Variants in ATP2B2 observed in about 807,000 individuals in gnomAD.
ATP2B2 encodes ATPase plasma membrane Ca2+ transporting 2.
In ATP2B2, 15 loss-of-function variants were observed where a neutral mutation model predicts 120.0. The observed-to-expected ratio is 0.12, with a 90% CI of 0.08 to 0.19. The LOEUF is 0.19. Among genes scored for constraint, ATP2B2 ranks in the 10% least tolerant of loss-of-function variants. ATP2B2 has a pLI of 1.00. For synonymous variants in ATP2B2, 694 were observed against 700.3 expected, an observed-to-expected ratio of 0.99 and a Z score of 0.14; for missense variants, 1,045 against 1,719.8, an observed-to-expected ratio of 0.61 and a Z score of 6.94.
chr3:10,356,539 G>A (rs1171136333), intron 14 of ATP2B2, among the ~76,000 whole-genome samples: 1 of 152,166 alleles, frequency 6.6e-6, no homozygotes, highest in Non-Finnish European at 1.5e-5. Flanking sequence ...CTTATTGTGC[G>A]TCATGGTCAA....
At chr3:10,548,563 C>T (rs1484610992) in intron 2 of ATP2B2, among the ~76,000 whole-genome samples, 3 of 152,216 alleles carry the variant, frequency 2.0e-5, no homozygotes, top group African/African-American at 7.2e-5. Context: ...GCTCCCTTCC[C>T]TCTCAGCTGG....
chr3:10,359,030 C>A, intron 13 of ATP2B2, 105 bp from the exon 14 acceptor site: 2 of 1,083,448 alleles, frequency 1.8e-6, no homozygotes, highest in Non-Finnish European at 2.7e-6. Flanking sequence ...TGTGGCTGGT[C>A]ATCCAGTGCC....
intron 2 of ATP2B2, among the ~76,000 whole-genome samples, chr3:10,567,228 T>C (rs1034840071): frequency 2.0e-5 from 3 of 152,180 alleles, no homozygotes; most frequent in Middle Eastern, 3.2e-3. Flanking sequence ...GAATGCCCTT[T>C]TGGAATTTAG....
intron 2 of ATP2B2, among the ~76,000 whole-genome samples, chr3:10,606,654 T>C (rs960915660): frequency 6.6e-6 from 1 of 152,002 alleles, no homozygotes. Flanking sequence ...GTTTTGGAGA[T>C]GTGTATCTGT....
At chr3:10,534,692 G>C (rs1325332873) in intron 2 of ATP2B2, among the ~76,000 whole-genome samples, 2 of 152,034 alleles carry the variant, frequency 1.3e-5, no homozygotes, top group African/African-American at 4.8e-5. Context: ...AATTTCCTGA[G>C]CCTCCTTTTC....
chr3:10,595,015 C>A (rs2068732775), intron 2 of ATP2B2, among the ~76,000 whole-genome samples: 1 of 152,218 alleles, frequency 6.6e-6, no homozygotes, highest in Non-Finnish European at 1.5e-5. Context: ...CCAATGCAAT[C>A]GGAGACAGAC....
chr3:10,649,944 C>T (rs1020837878), intron 1 of ATP2B2, among the ~76,000 whole-genome samples: 17 of 152,320 alleles, frequency 1.1e-4, no homozygotes, highest in Non-Finnish European at 2.1e-4. Flanking sequence ...GTCCAATGGA[C>T]GTCTTTCTTC....
At chr3:10,449,982 C>T (rs1027891452) in intron 1 of ATP2B2, 120 bp from the exon 2 acceptor site, 6 of 304,914 alleles carry the variant, frequency 2.0e-5, no homozygotes, top group African/African-American at 4.3e-5. Flanking sequence ...TACACCCATG[C>T]CCCCTAACAC....
intron 2 of ATP2B2, among the ~76,000 whole-genome samples, chr3:10,585,818 T>C (rs2068497220): frequency 6.6e-6 from 1 of 152,154 alleles, no homozygotes; most frequent in African/African-American, 2.4e-5. Context: ...TTCCATCACA[T>C]CACACTGTTT....
At chr3:10,655,212 C>T (rs2070584870) in intron 1 of ATP2B2, among the ~76,000 whole-genome samples, 1 of 152,150 alleles carries the variant, frequency 6.6e-6, no homozygotes, top group Non-Finnish European at 1.5e-5. Flanking sequence ...TACACCAATC[C>T]CTCTGTCGCT....
chr3:10,410,503 C>T, intron 3 of ATP2B2, 115 bp downstream of exon 3: 1 of 1,347,708 alleles, frequency 7.4e-7, no homozygotes, highest in Non-Finnish European at 1.0e-6. Flanking sequence ...GCCCCTTGGA[C>T]CTCGGTTTCT....
chr3:10,423,981 G>A (rs1280705033), intron 2 of ATP2B2, among the ~76,000 whole-genome samples: 11 of 152,258 alleles, frequency 7.2e-5, no homozygotes, highest in East Asian at 3.9e-4. Flanking sequence ...GTTACCCCCC[G>A]CAGTGCATCG....
chr3:10,430,167 A>G (rs2063272084), intron 2 of ATP2B2, among the ~76,000 whole-genome samples: 1 of 152,256 alleles, frequency 6.6e-6, no homozygotes, highest in Non-Finnish European at 1.5e-5. Context: ...GCAAGGAGAT[A>G]AGTGCTGTTT....
intron 1 of ATP2B2, among the ~76,000 whole-genome samples, chr3:10,639,451 A>G (rs1382827514): frequency 2.0e-5 from 3 of 152,158 alleles, no homozygotes; most frequent in Non-Finnish European, 4.4e-5. Flanking sequence ...TTCTCACTGT[A>G]TCCTCAAATG....
intron 22 of ATP2B2, chr3:10,332,041 G>A: frequency 1.3e-6 from 2 of 1,550,198 alleles, no homozygotes; most frequent in Non-Finnish European, 1.7e-6. Flanking sequence ...TAGCCCTCTA[G>A]GGAAACAAAC....
chr3:10,497,907 C>A (rs1365017059), intron 1 of ATP2B2, among the ~76,000 whole-genome samples: 1 of 152,224 alleles, frequency 6.6e-6, no homozygotes, highest in African/African-American at 2.4e-5. Context: ...GGACTCACCG[C>A]AACTGAGCTG....
At chr3:10,671,906 T>C (rs1363940529) in intron 1 of ATP2B2, among the ~76,000 whole-genome samples, 1 of 152,362 alleles carries the variant, frequency 6.6e-6, no homozygotes, top group East Asian at 1.9e-4. Flanking sequence ...CATGATGCCA[T>C]ATTTCCATGA....
At chr3:10,528,178 C>A (rs1418506763) in intron 3 of ATP2B2, among the ~76,000 whole-genome samples, 3 of 152,172 alleles carry the variant, frequency 2.0e-5, no homozygotes, top group Non-Finnish European at 4.4e-5. Context: ...CCTGGAAGTT[C>A]TTTTGTTCTG....
chr3:10,599,229 G>A (rs2125589318), intron 2 of ATP2B2, among the ~76,000 whole-genome samples: 1 of 152,364 alleles, frequency 6.6e-6, no homozygotes, highest in East Asian at 1.9e-4. Flanking sequence ...AAAATCTGGA[G>A]GCTGGGTGTG....
Sources: allele counts gnomAD v4.1 joint callset (sites outside exome capture counted in the v4.1 genomes callset), GRCh38; gene constraint gnomAD v4.1.1; transcripts MANE v1.5; gene names NCBI Gene and HGNC (gene_info 2026-07-23, HGNC 2026-07-21).